The following SRP72 variants were observed in gnomAD, a reference collection of about 807,000 sequenced individuals.
The protein encoded by SRP72 is signal recognition particle 72.
In SRP72, 49 loss-of-function variants were observed where a neutral mutation model predicts 96.3. The ratio of observed to expected loss-of-function variants is 0.51; its 90% confidence interval spans 0.40 to 0.65. The LOEUF (loss-of-function observed/expected upper bound fraction) is 0.65. SRP72 is among the 30% of genes least tolerant of loss of function. SRP72 has a pLI of 0.00. For missense variants in SRP72, 736 were observed against 793.3 expected (o/e 0.93, Z 0.87); for synonymous variants, 267 against 275.2 (o/e 0.97, Z 0.30).
At chr4:56,479,556 G>C (rs2110118436) in intron 8 of SRP72, among the ~76,000 whole-genome samples, 1 of 148,588 alleles carries the variant, frequency 6.7e-6, no homozygotes, top group South Asian at 2.1e-4. Flanking sequence ...ACCCAGGCTG[G>C]AGGGCAGTGG....
At chr4:56,484,683 G>GT in intron 9 of SRP72, 53 bp from the exon 10 acceptor site, 1 of 1,605,812 alleles carries the variant, frequency 6.2e-7, no homozygotes, top group Non-Finnish European at 8.5e-7. Flanking sequence ...GTCATTTAGT[G>GT]TTTAATTTCA....
At chr4:56,479,289 C>T (rs551495349) in intron 8 of SRP72, among the ~76,000 whole-genome samples, 1 of 152,118 alleles carries the variant, frequency 6.6e-6, no homozygotes, top group Non-Finnish European at 1.5e-5. Flanking sequence ...ACGCCATTCT[C>T]CTGCCTCAGC....
At chr4:56,471,401 C>T (rs1719968083) in intron 2 of SRP72, among the ~76,000 whole-genome samples, 1 of 152,182 alleles carries the variant, frequency 6.6e-6, no homozygotes, top group Non-Finnish European at 1.5e-5. Flanking sequence ...CATTTAACAT[C>T]CTTCAGATTA....
Position 56,503,615 on chromosome 4 carries a change from A to C in SRP72, c.*1754A>C, listed in dbSNP as rs1578202890. 1 of 152,328 alleles carries C rather than the reference A, an allele frequency of 6.6e-6. No individual in the cohort carries two copies. The highest frequency in any genetic ancestry group is 3.4e-3 in the Middle Eastern group (1 of 294). The allele number at this position is 152,328 out of a possible 1,614,324, so 9.4% of individuals were successfully genotyped here. A position where few individuals can be genotyped will look rare whatever the true frequency, so the allele number is the denominator to read the frequency against. On this transcript the variant is annotated 3_prime_UTR_variant, in exon 19 of 19. Coordinates refer to ENST00000642900, the MANE Select transcript of SRP72 (RefSeq NM_006947.4). ...GATGTGTATGTGTACATTTATAAGAACCAGTATGGATACATCCATTCACTG... is the reference window on the plus strand; with the variant it reads ...GATGTGTATGTGTACATTTATAAGACCCAGTATGGATACATCCATTCACTG...
Position 56,486,400 on chromosome 4 carries a change from A to G in SRP72, c.1159+3A>G. On this transcript the variant is annotated splice_donor_region_variant and intron_variant, in intron 11 of 18. Coordinates refer to ENST00000642900, the MANE Select transcript of SRP72 (RefSeq NM_006947.4). Reference sequence around the variant, plus strand: ...GGCACAGTTGAAAATTTCTCAAGGTATTATGGTTTTCATCATGATTAAAAT... The same window carrying G: ...GGCACAGTTGAAAATTTCTCAAGGTGTTATGGTTTTCATCATGATTAAAAT... The G allele has an allele frequency of 1.9e-6, 3 of 1,589,510 alleles. No individual in the cohort carries two copies. Among genetic ancestry groups the G allele is most frequent in the Non-Finnish European group, 2.6e-6 (3 of 1,163,378 alleles).
chr4:56,485,249 A>C (rs930484172), intron 10 of SRP72, among the ~76,000 whole-genome samples: 19 of 152,194 alleles, frequency 1.2e-4, no homozygotes, highest in Middle Eastern at 3.4e-3. Context: ...TGTTTTTATC[A>C]ACCCAAACCA....
Position 56,467,650 on chromosome 4 carries a change from C to T in SRP72, c.15C>T (p.Gly5=). Residue 5 remains glycine, a synonymous_variant, in exon 1 of 19, where the codon GGC becomes GGT. Transcript: ENST00000642900. The part of the protein sequence containing the change: MASG[G]SGGVSVPALW... ...TCTCCTCCAAGATGGCGAGCGGCGG[C>T]AGCGGGGGGGTGTCAGTACCTGCGC... 6.4e-7 allele frequency: 1 copy of T among 1,559,208 alleles called. No homozygotes were observed. Among genetic ancestry groups the T allele is most frequent in the Non-Finnish European group, 8.7e-7 (1 of 1,154,334 alleles).
chr4:56,495,272 C>T (rs1283351080), intron 16 of SRP72, 85 bp from the exon 17 acceptor site: 3 of 823,264 alleles, frequency 3.6e-6, no homozygotes, highest in Non-Finnish European at 5.5e-6. Flanking sequence ...TGATAAGTGC[C>T]CAACTAACTC....
chr4:56,485,814 A>G (rs986059814), intron 10 of SRP72, among the ~76,000 whole-genome samples: 1 of 152,122 alleles, frequency 6.6e-6, no homozygotes, highest in African/African-American at 2.4e-5. Flanking sequence ...AAAAAAAAGC[A>G]CATTTTGAGG....
rs1719897995 is a variant in SRP72, at chr4:56,469,874, C to T, written c.230+101C>T. 6 of 1,154,052 alleles carry T rather than the reference C, an allele frequency of 5.2e-6. No homozygotes were observed. The South Asian group carries it at 7.6e-5, about 15-fold the overall frequency. 71.5% of individuals were successfully genotyped at this position (1,154,052 alleles called of 1,614,324 possible). A position where few individuals can be genotyped will look rare whatever the true frequency, so the allele number is the denominator to read the frequency against. On this transcript the variant is annotated intron_variant, in intron 2 of 18. Transcript: ENST00000642900. The stretch of plus-strand genomic sequence containing the variant: ...CCAACTATTTGCTGATTTTTTTTAA[C>T]GTTTTTTTCCTTCCTTTTTTTCCCC...
chr4:56,488,018 G>A lies in SRP72; in HGVS notation c.1224+5G>A. On this transcript the variant is annotated splice_donor_5th_base_variant and intron_variant, in intron 12 of 18. Coordinates refer to ENST00000642900, the MANE Select transcript of SRP72 (RefSeq NM_006947.4). The stretch of plus-strand genomic sequence containing the variant: ...TTAAAGCATAAACCAGGCATGGTGA[G>A]TTTTAAAAATTACAAAATTGAAAAG... 1 of 1,588,498 alleles carries A rather than the reference G, an allele frequency of 6.3e-7. No individual in the cohort carries two copies. The highest frequency in any genetic ancestry group is 8.5e-7 in the Non-Finnish European group (1 of 1,172,482).
intron 8 of SRP72, among the ~76,000 whole-genome samples, chr4:56,481,015 T>C (rs1720462836): frequency 6.6e-6 from 1 of 152,186 alleles, no homozygotes; most frequent in African/African-American, 2.4e-5. Context: ...GTAGATTAGA[T>C]TGAACTATAT....
intron 12 of SRP72, 141 bp downstream of exon 12, chr4:56,488,154 A>G: frequency 1.7e-6 from 1 of 595,870 alleles, no homozygotes; most frequent in East Asian, 3.2e-5. Context: ...GTTGTCTGGT[A>G]TAAATTTAAT....
chr4:56,490,766 C>A, intron 15 of SRP72, 121 bp downstream of exon 15: 2 of 767,784 alleles, frequency 2.6e-6, no homozygotes, highest in Middle Eastern at 2.4e-4. Context: ...CTCCTTTTAA[C>A]TAGTAAAACC....
chr4:56,478,713 G>C, intron 8 of SRP72, 64 bp downstream of exon 8: 1 of 1,527,560 alleles, frequency 6.5e-7, no homozygotes, highest in Non-Finnish European at 8.9e-7. Context: ...CCTAGTTTTA[G>C]TTTTGTTCTA....
At chr4:56,485,519 C>T (rs1354987235) in intron 10 of SRP72, among the ~76,000 whole-genome samples, 1 of 151,658 alleles carries the variant, frequency 6.6e-6, no homozygotes, top group Non-Finnish European at 1.5e-5. Flanking sequence ...TTGTGGGGGT[C>T]GCCAGGCGTA....
intron 1 of SRP72, 91 bp from the exon 2 acceptor site, chr4:56,469,562 T>C: frequency 7.8e-7 from 1 of 1,279,772 alleles, no homozygotes; most frequent in South Asian, 1.8e-5. Context: ...AAGTAGAAAT[T>C]TAGCTTTCGG....
intron 17 of SRP72, among the ~76,000 whole-genome samples, chr4:56,498,440 G>A (rs1398078969): frequency 1.3e-5 from 2 of 152,248 alleles, no homozygotes; most frequent in Non-Finnish European, 2.9e-5. Context: ...TCAGGCAAGA[G>A]AAAGAAATAA....
rs1348224507 is a variant in SRP72, at chr4:56,503,120, GT to G, written c.*1265del. The G allele has an allele frequency of 2.0e-5, 3 of 152,174 alleles. No individual in the cohort carries two copies. The highest frequency in any genetic ancestry group is 4.4e-5 in the Non-Finnish European group (3 of 68,032). The allele number at this position is 152,174 out of a possible 1,614,324, so 9.4% of individuals were successfully genotyped here. On this transcript the variant is annotated 3_prime_UTR_variant, in exon 19 of 19. Coordinates refer to ENST00000642900, the MANE Select transcript of SRP72 (RefSeq NM_006947.4). ...CATACTACCAAAACTTCTTCAAAGAGTTTTTTATGAAAGACTTTCCTCCTTT... is the reference window on the plus strand; with the variant it reads ...CATACTACCAAAACTTCTTCAAAGAGTTTTTATGAAAGACTTTCCTCCTTT...
Sources: allele counts gnomAD v4.1 joint callset (sites outside exome capture counted in the v4.1 genomes callset), GRCh38; gene constraint gnomAD v4.1.1; transcripts MANE v1.5; gene names NCBI Gene and HGNC (gene_info 2026-07-23, HGNC 2026-07-21).